ESPN: variants seen among roughly 807,000 people sequenced by gnomAD.
ESPN encodes the protein espin, also known as autosomal recessive deafness type 36 protein.
ESPN carries 68 observed loss-of-function variants against 77.7 expected under a neutral mutation model. That is an observed-to-expected ratio of 0.87 (90% CI 0.72 to 1.07). The LOEUF is 1.07. ESPN is among the 50% of genes least tolerant of loss of function. The pLI is 0.00. For missense variants in ESPN, 1,060 were observed against 1,239.0 expected (o/e 0.86, Z 2.17); for synonymous variants, 449 against 567.1 (o/e 0.79, Z 2.96).
intron 2 of ESPN, among the ~76,000 whole-genome samples, chr1:6,436,103 G>T (rs1643428736): frequency 6.6e-6 from 1 of 152,208 alleles, no homozygotes; most frequent in South Asian, 2.1e-4. Context: ...AGTGAGGTCT[G>T]CGGGAGAAGG....
intron 3 of ESPN, 41 bp downstream of exon 3, chr1:6,440,481 G>A (rs1387734254): frequency 2.0e-6 from 3 of 1,487,130 alleles, no homozygotes; most frequent in South Asian, 1.3e-5. Context: ...GAGGCGGGGC[G>A]GAGCCGGCAG....
intron 6 of ESPN, 66 bp downstream of exon 6, chr1:6,444,748 G>A (rs1427992823): frequency 5.0e-6 from 8 of 1,596,150 alleles, no homozygotes; most frequent in Admixed American, 1.7e-5. Context: ...GGGCTGTGAG[G>A]ATTGGCCTTG....
Position 6,452,273 on chromosome 1 carries a change from C to T in ESPN, c.2325+177C>T, listed in dbSNP as rs576983368. Among the ~76,000 whole-genome samples, 23 of 151,830 alleles carry T rather than the reference C, an allele frequency of 1.5e-4. No individual in the cohort carries two copies. The South Asian group carries it at 4.6e-3, about 30-fold the overall frequency. On this transcript the variant is annotated intron_variant, in intron 10 of 12. Transcript: ENST00000645284. ...AGGCTGGAGTGCAGTGGTGCGATCT[C>T]GACTCACTGCAACCTTCGCCTCCCA...
chr1:6,445,090 G>T (rs1453992062), intron 6 of ESPN, among the ~76,000 whole-genome samples: 1 of 150,146 alleles, frequency 6.7e-6, no homozygotes, highest in African/African-American at 2.4e-5. Context: ...CCATACTACA[G>T]ATATGCACGC....
rs1644011071 is a variant in ESPN, at chr1:6,454,378, G to C, written c.2325+2282G>C. The C allele has an allele frequency of 1.3e-5, 5 of 398,720 alleles. No homozygotes were observed. The South Asian group carries it at 5.1e-4, about 41-fold the overall frequency. The allele number at this position is 398,720 out of a possible 1,614,324, so 24.7% of individuals were successfully genotyped here. ...CAAAAGGCTCCCGGCGCCACGGCGG[G>C]AGCTAGGCCAGAGGGAGACGCGCCT... On this transcript the variant is annotated intron_variant, in intron 10 of 12. Transcript: ENST00000645284.
intron 10 of ESPN, 110 bp from the exon 11 acceptor site, chr1:6,457,074 G>A (rs1279577371): frequency 7.6e-6 from 8 of 1,058,338 alleles, no homozygotes; most frequent in South Asian, 2.7e-5. Context: ...ACACAGATGT[G>A]CATCAAAAGG....
At chr1:6,434,926 G>A (rs1381951283) in intron 2 of ESPN, among the ~76,000 whole-genome samples, 1 of 152,162 alleles carries the variant, frequency 6.6e-6, no homozygotes, top group East Asian at 1.9e-4. Flanking sequence ...TGATGGAACT[G>A]GCAGTGATGC....
At position 6,437,436 on chromosome 1, in the gene ESPN, G is replaced by A. The variant is rs538065121; in HGVS notation, c.489-2818G>A. ...CCGGCACTCACTGTGCCTTGGTTACGGGGTGAATAATTTAGGCCGCTGAGT... is the reference window on the plus strand; with the variant it reads ...CCGGCACTCACTGTGCCTTGGTTACAGGGTGAATAATTTAGGCCGCTGAGT... On this transcript the variant is annotated intron_variant, in intron 2 of 12. Transcript: ENST00000645284. The surrounding 1 kb of genome is among the most constrained non-coding windows in gnomAD (Gnocchi z 4.5). 2.6e-5 allele frequency: 4 copies of A among 152,366 alleles called. No individual in the cohort carries two copies. The highest frequency in any genetic ancestry group is 3.9e-4 in the East Asian group (2 of 5,188). The allele number at this position is 152,366 out of a possible 1,614,324, so 9.4% of individuals were successfully genotyped here.
chr1:6,444,493 C>T lies in ESPN; in HGVS notation c.1003C>T (p.Arg335Cys), dbSNP rs368253130. The change falls in exon 6 of 13, where the codon CGC (arginine) becomes TGC (cysteine). Residue 335 changes from arginine to cysteine, a missense_variant. Around this residue, in one of 3 missense-constraint regions of ESPN, gnomAD observed 556 missense variants for 633.6 expected, o/e 0.88. Coordinates refer to ENST00000645284, the MANE Select transcript of ESPN (RefSeq NM_031475.3). Reference protein sequence around the residue: ...RTVENLSVEHRVLSRDPSAEL... With the variant: ...RTVENLSVEHCVLSRDPSAEL... Reference sequence around the variant, plus strand: ...GCCTCCCCTTCAGAGCGTGGAGCACCGCGTGCTTTCCCGGGATCCATCCGC... The same window carrying T: ...GCCTCCCCTTCAGAGCGTGGAGCACTGCGTGCTTTCCCGGGATCCATCCGC... 4.2e-5 allele frequency: 68 copies of T among 1,614,060 alleles called. No individual in the cohort carries two copies. Among genetic ancestry groups the T allele is most frequent in the African/African-American group, 4.0e-5 (3 of 74,924 alleles).
At chr1:6,456,641 A>C (rs188098255) in intron 10 of ESPN, 1 of 215,612 alleles carries the variant, frequency 4.6e-6, no homozygotes, top group East Asian at 1.1e-4. Flanking sequence ...CTCCTCTGTA[A>C]CATTCAGGAA....
At position 6,457,188 on chromosome 1, in the gene ESPN, A is replaced by T. The variant is rs1644071200; in HGVS notation, c.2330A>T (p.Glu777Val). The change falls in exon 11 of 13, where the codon GAG (glutamate) becomes GTG (valine). Residue 777 changes from glutamate to valine, a missense_variant. Glu to Val is a moderately radical substitution (Grantham distance 121). Transcript: ENST00000645284. ...AGCTTTGTGGTTGTGTTTCAGGAGG[A>T]GGAGGAGGAGGCCCGGCTGGCCAGC... ...QEEEEQRRKE[E>V]EEEARLASMP... The T allele has an allele frequency of 1.2e-6, 2 of 1,600,062 alleles. No individual in the cohort carries two copies. The highest frequency in any genetic ancestry group is 2.3e-5 in the East Asian group (1 of 44,354).
intron 12 of ESPN, among the ~76,000 whole-genome samples, chr1:6,459,231 ACT>A (rs1292916423): frequency 6.9e-6 from 1 of 145,322 alleles, no homozygotes; most frequent in Non-Finnish European, 1.5e-5. Context: ...ACAGAGCGAG[ACT>A]CTGTCTCAAT....
intron 10 of ESPN, chr1:6,454,578 C>G (rs1029293588): frequency 5.0e-6 from 2 of 398,870 alleles, no homozygotes; most frequent in African/African-American, 2.1e-5. Context: ...CCTGCAGGTG[C>G]TGCACAAGGC....
In ESPN at chr1:6,437,326, G is replaced by C. The variant is rs1643473893; in HGVS notation, c.489-2928G>C. ...GGAGAGCAGAGCTCACCGCAGGTCT[G>C]GCCCCCCCACCAGCTGTGCAGACCG... On this transcript the variant is annotated intron_variant, in intron 2 of 12. Coordinates refer to ENST00000645284, the MANE Select transcript of ESPN (RefSeq NM_031475.3). This position sits in a 1 kb window ranked among gnomAD's most constrained non-coding sequence, Gnocchi z 4.5. 2 of 137,670 alleles carry C rather than the reference G, an allele frequency of 1.5e-5. No homozygotes were observed. Among genetic ancestry groups the C allele is most frequent in the Admixed American group, 6.9e-5 (1 of 14,514 alleles). The allele number at this position is 137,670 out of a possible 1,614,324, so 8.5% of individuals were successfully genotyped here.
intron 10 of ESPN, chr1:6,454,980 C>T (rs1644024041): frequency 2.6e-6 from 1 of 379,334 alleles, no homozygotes; most frequent in East Asian, 3.8e-5. Flanking sequence ...CACCTACGAG[C>T]TGCGCGCACG....
chr1:6,433,943 A>G (rs1188927236), intron 2 of ESPN, among the ~76,000 whole-genome samples: 5 of 151,900 alleles, frequency 3.3e-5, no homozygotes, highest in South Asian at 2.1e-4. Flanking sequence ...GTCTCGCTCT[A>G]TCGCCCAGGC....
chr1:6,449,962 A>AG (rs1183312503), intron 8 of ESPN, among the ~76,000 whole-genome samples: 1 of 152,152 alleles, frequency 6.6e-6, no homozygotes, highest in Non-Finnish European at 1.5e-5. Context: ...AGAAGTGCAG[A>AG]GCAGAGCTAG....
intron 12 of ESPN, 70 bp from the exon 13 acceptor site, chr1:6,459,929 C>T: frequency 3.1e-6 from 5 of 1,601,250 alleles, no homozygotes; most frequent in Non-Finnish European, 4.3e-6. Context: ...TGCCTGGCCC[C>T]ACCCTTTCTG....
intron 2 of ESPN, among the ~76,000 whole-genome samples, chr1:6,435,191 C>A (rs1303265322): frequency 6.6e-6 from 1 of 152,096 alleles, no homozygotes; most frequent in African/African-American, 2.4e-5. Context: ...CCACCATAGG[C>A]TCGGTGAATT....
Sources: gnomAD v4.1 joint callset for allele counts (sites outside exome capture counted in the v4.1 genomes callset) on GRCh38, gnomAD v4.1.1 for gene constraint, gnomAD v4.1.1 regional missense constraint, Gnocchi (gnomAD v3.1) non-coding constraint, MANE v1.5 for transcripts, NCBI Gene and HGNC (gene_info 2026-07-23, HGNC 2026-07-21) for gene names.